MSI2: variants seen among roughly 807,000 people sequenced by gnomAD.
MSI2 encodes the protein RNA-binding protein Musashi homolog 2.
Under a neutral mutation model 45.6 loss-of-function variants are expected in MSI2, and 17 were observed. That is an observed-to-expected ratio of 0.37 (90% confidence interval 0.26 to 0.56). MSI2 has a LOEUF of 0.56. Among genes scored for constraint, MSI2 ranks in the 20% least tolerant of loss-of-function variants. The probability of loss-of-function intolerance (pLI) is 0.77; values close to 1 mark genes in which losing one functional copy is unlikely to be tolerated. For missense variants in MSI2, 293 were observed against 444.2 expected (o/e 0.66, Z 3.06); for synonymous variants, 156 against 158.2 (o/e 0.99, Z 0.11).
chr17:57,570,217 A>G (rs185046440), intron 7 of MSI2, among the ~76,000 whole-genome samples: 1 of 152,216 alleles, frequency 6.6e-6, no homozygotes, highest in African/African-American at 2.4e-5. Flanking sequence ...CTCTTAGAGA[A>G]GACCAACTCC....
intron 5 of MSI2, among the ~76,000 whole-genome samples, chr17:57,333,169 T>C (rs965000438): frequency 1.3e-5 from 2 of 152,122 alleles, no homozygotes; most frequent in African/African-American, 4.8e-5. Flanking sequence ...GAAATGGAAA[T>C]GATATCCCCT....
intron 7 of MSI2, among the ~76,000 whole-genome samples, chr17:57,581,673 G>A (rs1372078432): frequency 6.6e-6 from 1 of 152,172 alleles, no homozygotes; most frequent in Non-Finnish European, 1.5e-5. Flanking sequence ...GAACACTTGT[G>A]TTCTTGCTCC....
At chr17:57,508,480 C>T (rs989175584) in intron 6 of MSI2, among the ~76,000 whole-genome samples, 1 of 152,162 alleles carries the variant, frequency 6.6e-6, no homozygotes, top group Non-Finnish European at 1.5e-5. Context: ...ATACAAAATG[C>T]ATTTGAAGGC....
chr17:57,480,133 G>A (rs544174387), intron 6 of MSI2, among the ~76,000 whole-genome samples: 17 of 152,102 alleles, frequency 1.1e-4, no homozygotes, highest in South Asian at 8.3e-4. Flanking sequence ...CACCATGCTC[G>A]TTTAATTTTT....
rs1868807963 is a variant in MSI2, at chr17:57,285,817, C to A, written c.312+23625C>A. The A allele has an allele frequency of 7.9e-6, 11 of 1,396,760 alleles. No individual in the cohort carries two copies. The Middle Eastern group carries it at 6.0e-4, about 77-fold the overall frequency. 86.5% of individuals were successfully genotyped at this position (1,396,760 alleles called of 1,614,324 possible). ...AATGTTTTCTTTTCTCCTTGCCCGT[C>A]AGTTAGCCAAGCCTCCTACCACTCA... On this transcript the variant is annotated intron_variant, in intron 5 of 13. Transcript: ENST00000284073.
chr17:57,356,040 A>AT (rs1208650355), intron 5 of MSI2, among the ~76,000 whole-genome samples: 2 of 151,456 alleles, frequency 1.3e-5, no homozygotes, highest in Non-Finnish European at 2.9e-5. Flanking sequence ...CGCCCAGCTA[A>AT]TTTTTTCTGT....
chr17:57,699,014 GGAGAGAGAGAGA>G, the MSI2 span, among the ~76,000 whole-genome samples: 608 of 23,584 alleles, frequency 0.026, 77 homozygotes, highest in Non-Finnish European at 0.028. Flanking sequence ...GAAGAGGCGA[GGAGAGAGAGAGA>G]GAGAGAGAGA....
chr17:57,318,831 C>T (rs191385474), intron 5 of MSI2, among the ~76,000 whole-genome samples: 1 of 152,172 alleles, frequency 6.6e-6, no homozygotes, highest in South Asian at 2.1e-4. Flanking sequence ...AACATCTGTG[C>T]TCCTTAGGAT....
chr17:57,256,407 T>G, upstream of MSI2: 3 of 157,656 alleles, frequency 1.9e-5, no homozygotes, highest in Non-Finnish European at 4.1e-5. Context: ...TTACACGACG[T>G]TCTAGAACTC....
intron 6 of MSI2, among the ~76,000 whole-genome samples, chr17:57,458,294 G>A (rs879488420): frequency 5.9e-5 from 9 of 152,054 alleles, no homozygotes; most frequent in African/African-American, 2.2e-4. Flanking sequence ...TAGAGACGGG[G>A]TTTCACTGTG....
intron 8 of MSI2, among the ~76,000 whole-genome samples, chr17:57,607,177 A>G (rs1567932386): frequency 6.6e-6 from 1 of 152,228 alleles, no homozygotes; most frequent in Non-Finnish European, 1.5e-5. Flanking sequence ...TATGTAATAT[A>G]TGAAAATTAC....
chr17:57,631,176 C>G (rs1370810133), intron 10 of MSI2: 1 of 152,438 alleles, frequency 6.6e-6, no homozygotes, highest in Admixed American at 6.5e-5. Context: ...CTTTCTGAGT[C>G]CCCCTAGCAG....
At chr17:57,349,042 G>T (rs1915823623) in intron 5 of MSI2, among the ~76,000 whole-genome samples, 1 of 152,146 alleles carries the variant, frequency 6.6e-6, no homozygotes, top group Admixed American at 6.5e-5. Context: ...GAGATATTTA[G>T]GGGCACAGAG....
intron 10 of MSI2, chr17:57,632,436 C>T (rs1028136024): frequency 4.7e-6 from 5 of 1,065,872 alleles, no homozygotes; most frequent in South Asian, 4.5e-5. Context: ...TGTCTGTCTT[C>T]GAGAAGGGAC....
At chr17:57,336,762 C>T (rs972890923) in intron 5 of MSI2, among the ~76,000 whole-genome samples, 1 of 152,138 alleles carries the variant, frequency 6.6e-6, no homozygotes, top group Admixed American at 6.6e-5. Flanking sequence ...GTGCGAGGAA[C>T]TAAAATGTGT....
intron 5 of MSI2, among the ~76,000 whole-genome samples, chr17:57,308,513 T>C (rs1490152928): frequency 2.0e-5 from 3 of 152,228 alleles, no homozygotes; most frequent in African/African-American, 7.2e-5. Flanking sequence ...GAATGTTTTA[T>C]TGTGTGCCGA....
At chr17:57,602,731 T>C (rs919664253) in intron 8 of MSI2, among the ~76,000 whole-genome samples, 1 of 152,224 alleles carries the variant, frequency 6.6e-6, no homozygotes, top group Non-Finnish European at 1.5e-5. Flanking sequence ...AAGTAACTCA[T>C]GGGTACAGCT....
intron 9 of MSI2, chr17:57,616,350 G>C: frequency 3.4e-6 from 1 of 294,780 alleles, no homozygotes; most frequent in Non-Finnish European, 6.3e-6. Context: ...GGATATGTTA[G>C]ACTATTTTCT....
chr17:57,519,548 A>G (rs1050551924), intron 6 of MSI2, among the ~76,000 whole-genome samples: 1 of 152,014 alleles, frequency 6.6e-6, no homozygotes, highest in African/African-American at 2.4e-5. Context: ...AGCTTTTGGA[A>G]TTCACTTATC....
Sources: allele counts gnomAD v4.1 joint callset (sites outside exome capture counted in the v4.1 genomes callset), GRCh38; gene constraint gnomAD v4.1.1; transcripts MANE v1.5; gene names NCBI Gene and HGNC (gene_info 2026-07-23, HGNC 2026-07-21).